ARID3A: variants seen among roughly 807,000 people sequenced by gnomAD.
ARID3A encodes the protein AT-rich interactive domain-containing protein 3A.
ARID3A carries 11 observed loss-of-function variants against 52.7 expected under a neutral mutation model. The ratio of observed to expected loss-of-function variants is 0.21; its 90% CI spans 0.13 to 0.35. The LOEUF is 0.35. Ranked by LOEUF, ARID3A falls within the 10% of genes least tolerant of loss-of-function variation. The probability of loss-of-function intolerance (pLI) is 1.00; values close to 1 mark genes in which losing one functional copy is unlikely to be tolerated. For synonymous variants in ARID3A, 404 were observed against 359.4 expected (o/e 1.12, Z -1.40); for missense variants, 721 against 838.5 (o/e 0.86, Z 1.73).
intron 8 of ARID3A, among the ~76,000 whole-genome samples, 166 bp from the exon 9 acceptor site, chr19:971,712 A>G (rs1319279948): frequency 6.6e-6 from 1 of 152,176 alleles, no homozygotes; most frequent in Non-Finnish European, 1.5e-5. Flanking sequence ...ACTTGAGCCC[A>G]TGAGGTTGAG....
At chr19:934,263 C>T (rs968458171) in intron 3 of ARID3A, among the ~76,000 whole-genome samples, 2 of 152,154 alleles carry the variant, frequency 1.3e-5, no homozygotes, top group South Asian at 4.1e-4. Flanking sequence ...ATGGGACCCC[C>T]TGACCCTGGA....
rs958576042 is a variant in ARID3A at position 972,130 on chromosome 19, G to T, written c.*65G>T. 2.4e-5 allele frequency: 35 copies of T among 1,432,492 alleles called. No individual in the cohort carries two copies. Among genetic ancestry groups the T allele is most frequent in the Non-Finnish European group, 3.1e-5 (34 of 1,085,582 alleles). 88.7% of individuals were successfully genotyped at this position (1,432,492 alleles called of 1,614,324 possible). A position where few individuals can be genotyped will look rare whatever the true frequency, so the allele number is the denominator to read the frequency against. On this transcript the variant is annotated 3_prime_UTR_variant, in exon 9 of 9. Transcript: ENST00000263620. The stretch of plus-strand genomic sequence containing the variant: ...CGGCCTGGGCAGGGGGTCCAGGTGG[G>T]CCACACAGGGGCCAGGATGGCGGAA...
chr19:940,240 G>A (rs969500327), intron 3 of ARID3A, among the ~76,000 whole-genome samples: 14 of 152,296 alleles, frequency 9.2e-5, no homozygotes, highest in Admixed American at 1.3e-4. Flanking sequence ...ATTGGAAGAA[G>A]AAGAATTGTC....
At chr19:955,779 C>T (rs1304467114) in intron 3 of ARID3A, among the ~76,000 whole-genome samples, 3 of 152,174 alleles carry the variant, frequency 2.0e-5, no homozygotes, top group African/African-American at 4.8e-5. Context: ...CTTCCGCTCG[C>T]CCTGGAAGGG....
At chr19:934,351 A>G (rs575085029) in intron 3 of ARID3A, among the ~76,000 whole-genome samples, 3 of 152,292 alleles carry the variant, frequency 2.0e-5, no homozygotes, top group East Asian at 3.9e-4. Context: ...GGCCCAGACC[A>G]GGCAGGGATG....
At chr19:933,294 G>A (rs529153053) in intron 3 of ARID3A, among the ~76,000 whole-genome samples, 2 of 152,188 alleles carry the variant, frequency 1.3e-5, no homozygotes, top group African/African-American at 2.4e-5. Context: ...GGCTGGGGCC[G>A]GCAGGGGGTC....
chr19:933,389 G>A (rs2037373972), intron 3 of ARID3A, among the ~76,000 whole-genome samples: 1 of 152,144 alleles, frequency 6.6e-6, no homozygotes, highest in Non-Finnish European at 1.5e-5. Context: ...TGGCCGGGCG[G>A]GGGATGCTTT....
rs1010413670 is a variant in ARID3A, at chr19:975,924, G to A, written c.*3859G>A. On this transcript the variant is annotated 3_prime_UTR_variant, in exon 9 of 9. Transcript: ENST00000263620. ...TATTAAAACGAGACAAAACACTTCT[G>A]ACTTTTAACAGAAAAGTGTCCTGTG... 5.6e-6 allele frequency: 1 copy of A among 178,788 alleles called. No individual in the cohort carries two copies. The highest frequency in any genetic ancestry group is 2.4e-5 in the African/African-American group (1 of 42,320). The allele number at this position is 178,788 out of a possible 1,614,324, so 11.1% of individuals were successfully genotyped here.
At chr19:970,587 A>C (rs1006663908) in intron 8 of ARID3A, among the ~76,000 whole-genome samples, 1 of 142,860 alleles carries the variant, frequency 7.0e-6, no homozygotes, top group African/African-American at 2.7e-5. Flanking sequence ...AGCTCCTGCA[A>C]CCTCCGCCTC....
intron 3 of ARID3A, among the ~76,000 whole-genome samples, chr19:957,396 TCA>T (rs1398914964): frequency 5.3e-5 from 8 of 152,210 alleles, no homozygotes; most frequent in Admixed American, 5.2e-4. Context: ...CCGCTGTGTC[TCA>T]GTTTCCTCAC....
rs1053219713 is a variant in ARID3A, at chr19:941,175, C to T, written c.693+8433C>T. Among the ~76,000 whole-genome samples the T allele has an allele frequency of 8.5e-5, 13 of 152,210 alleles. No homozygotes were observed. Among genetic ancestry groups the T allele is most frequent in the South Asian group, 4.1e-4 (2 of 4,834 alleles). ...CGCGGCAGCCCGAGGGAGCGGTGCC[C>T]GCAGGCAGAGAGTGTCCCCGCGTGG... is the stretch of plus-strand genomic sequence containing the variant. On this transcript the variant is annotated intron_variant, in intron 3 of 8. Transcript: ENST00000263620. This position sits in a 1 kb window ranked among gnomAD's most constrained non-coding sequence, Gnocchi z 6.9.
In ARID3A at chr19:941,430, TCA is replaced by T. The variant is rs2145385729; in HGVS notation, c.693+8690_693+8691del. On this transcript the variant is annotated intron_variant, in intron 3 of 8. Transcript: ENST00000263620. This position sits in a 1 kb window ranked among gnomAD's most constrained non-coding sequence, Gnocchi z 6.9. ...CTGTGTGCACCCAGCCAGCGGCACC[TCA>T]CGCGCCCGCCTGCGTGTCCCCAGCC... 6.6e-6 allele frequency among the ~76,000 whole-genome samples: 1 copy of T among 152,262 alleles called. No homozygotes were observed. Among genetic ancestry groups the T allele is most frequent in the East Asian group, 1.9e-4 (1 of 5,156 alleles).
intron 3 of ARID3A, among the ~76,000 whole-genome samples, chr19:943,611 C>T (rs190520010): frequency 1.1e-4 from 16 of 151,984 alleles, no homozygotes; most frequent in African/African-American, 3.1e-4. Flanking sequence ...GACACGGACA[C>T]GTAGGGAGAT....
At position 971,910 on chromosome 19, in the gene ARID3A, C is replaced by T; in HGVS notation, c.1627C>T (p.Pro543Ser). 1 of 1,603,504 alleles carries T rather than the reference C, an allele frequency of 6.2e-7. No individual in the cohort carries two copies. The highest frequency in any genetic ancestry group is 8.5e-7 in the Non-Finnish European group (1 of 1,175,112). Residue 543 changes from proline (P) to serine (S), a missense_variant, in exon 9 of 9, where the codon CCA (proline) becomes TCA (serine). By Grantham distance (74) the Pro-to-Ser change is moderately conservative. Around this residue, in one of 5 missense-constraint regions of ARID3A, gnomAD observed 297 missense variants for 343.2 expected, o/e 0.87. Coordinates refer to ENST00000263620, the MANE Select transcript of ARID3A (RefSeq NM_005224.3). ...GTTTGCTCAGCCGCCGGCCCCCACG[C>T]CAACCTCTGCTCCCAACAAAGGAGG... ...VLFAQPPAPT[P>S]TSAPNKGGGG...
At chr19:927,302 C>A (rs2037221380) in intron 1 of ARID3A, among the ~76,000 whole-genome samples, 1 of 144,188 alleles carries the variant, frequency 6.9e-6, no homozygotes, top group Non-Finnish European at 1.5e-5. Context: ...GGGTCGAGGA[C>A]AAAGGGCTCT....
rs578030404 is a variant in ARID3A, at chr19:938,003, C to G, written c.693+5261C>G. Among the ~76,000 whole-genome samples the G allele has an allele frequency of 6.6e-6, 1 of 151,862 alleles. No individual in the cohort carries two copies. The highest frequency in any genetic ancestry group is 1.9e-4 in the East Asian group (1 of 5,174). ...GATTACAGGTGTGAGCCACTGCGCC[C>G]GGCTAATTTTTTGTATTTTTAGTAG... On this transcript the variant is annotated intron_variant, in intron 3 of 8. Coordinates refer to ENST00000263620, the MANE Select transcript of ARID3A (RefSeq NM_005224.3). The surrounding 1 kb of genome is among the most constrained non-coding windows in gnomAD (Gnocchi z 4.0).
chr19:973,733 G>T lies in ARID3A; in HGVS notation c.*1668G>T. ...GGGCTGCGAGCTCCCCGAGTTCTGCGGTGACTAAATCGAGGCCGAGAAGGG... is the reference window on the plus strand; with the variant it reads ...GGGCTGCGAGCTCCCCGAGTTCTGCTGTGACTAAATCGAGGCCGAGAAGGG... On this transcript the variant is annotated 3_prime_UTR_variant, in exon 9 of 9. Coordinates refer to ENST00000263620, the MANE Select transcript of ARID3A (RefSeq NM_005224.3). The T allele has an allele frequency of 4.4e-6, 1 of 228,032 alleles. No individual in the cohort carries two copies. The highest frequency in any genetic ancestry group is 8.7e-6 in the Non-Finnish European group (1 of 114,896). 14.1% of individuals were successfully genotyped at this position (228,032 alleles called of 1,614,324 possible).
At position 942,660 on chromosome 19, in the gene ARID3A, A is replaced by G. The variant is rs7258301; in HGVS notation, c.693+9918A>G. ...GGAGTAGGTGGAGGCCGCCCCTCCC[A>G]CTGCCCCGCAGGCCCTGGTTCTGGC... is the stretch of plus-strand genomic sequence containing the variant. On this transcript the variant is annotated intron_variant, in intron 3 of 8. Transcript: ENST00000263620. This position sits in a 1 kb window ranked among gnomAD's most constrained non-coding sequence, Gnocchi z 8.1. 0.22 allele frequency among the ~76,000 whole-genome samples: 33,973 copies of G among 152,036 alleles called. 4,474 individuals are homozygous for G. Among genetic ancestry groups the G allele is most frequent in the East Asian group, 0.47 (2,410 of 5,148 alleles).
rs1232889367 is a variant in ARID3A, at chr19:938,837, C to T, written c.693+6095C>T. The stretch of plus-strand genomic sequence containing the variant: ...AGTGAAGCGAGACCCCAGCAAGAAA[C>T]GGGCATCCGGTTTTTGGTCTTTTTT... On this transcript the variant is annotated intron_variant, in intron 3 of 8. Transcript: ENST00000263620. This position sits in a 1 kb window ranked among gnomAD's most constrained non-coding sequence, Gnocchi z 4.0. Among the ~76,000 whole-genome samples the T allele has an allele frequency of 1.3e-5, 2 of 152,066 alleles. No homozygotes were observed. Among genetic ancestry groups the T allele is most frequent in the Admixed American group, 6.6e-5 (1 of 15,260 alleles).
Sources: allele counts gnomAD v4.1 joint callset (sites outside exome capture counted in the v4.1 genomes callset), GRCh38; gene constraint gnomAD v4.1.1; regional missense constraint gnomAD v4.1.1; non-coding constraint Gnocchi (gnomAD v3.1); transcripts MANE v1.5; gene names NCBI Gene and HGNC (gene_info 2026-07-23, HGNC 2026-07-21).